Variants in CYFIP1 observed in about 807,000 individuals in gnomAD.
CYFIP1 encodes the protein cytoplasmic FMR1 interacting protein 1.
A neutral mutation model predicts 163.5 loss-of-function variants in CYFIP1; 58 were observed. The observed-to-expected ratio is 0.35, with a 90% CI of 0.29 to 0.44. CYFIP1 has a LOEUF of 0.44. Ranked by LOEUF, CYFIP1 falls within the 20% of genes least tolerant of loss-of-function variation. The pLI is 1.00. For missense variants in CYFIP1, 1,338 were observed against 1,653.8 expected (o/e 0.81, Z 3.31); for synonymous variants, 663 against 660.7 (o/e 1.00, Z -0.05).
intron 8 of CYFIP1, among the ~76,000 whole-genome samples, chr15:22,937,436 A>C (rs1336794916): frequency 6.6e-6 from 1 of 152,180 alleles, no homozygotes; most frequent in African/African-American, 2.4e-5. Context: ...TAAAAGCGGA[A>C]AAAACAAATC....
Position 22,903,727 on chromosome 15 carries a change from C to T in CYFIP1, c.2567G>A (p.Cys856Tyr). The T allele has an allele frequency of 6.2e-7, 1 of 1,613,834 alleles. No individual in the cohort carries two copies. Among genetic ancestry groups the T allele is most frequent in the Non-Finnish European group, 8.5e-7 (1 of 1,180,046 alleles). The change falls in exon 22 of 31, where the codon TGC becomes TAC. Residue 856 changes from cysteine to tyrosine, a missense_variant. Cys to Tyr is a radical substitution (Grantham distance 194). Coordinates refer to ENST00000617928, the MANE Select transcript of CYFIP1 (RefSeq NM_014608.6). The stretch of plus-strand genomic sequence containing the variant: ...TCACCGGTTGGTAGAGCCGTTGTAG[C>T]AGTAGTTGGGCAGGAAGTCATAGTT... ...ELNYDFLPNY[C>Y]YNGSTNRFVR...
chr15:22,942,197 G>A (rs1042958625), intron 6 of CYFIP1, among the ~76,000 whole-genome samples: 4 of 152,212 alleles, frequency 2.6e-5, no homozygotes, highest in Non-Finnish European at 5.9e-5. Flanking sequence ...TCCTACTGCT[G>A]CCTCATTTTG....
At chr15:22,894,223 C>A (rs1271707405) in intron 22 of CYFIP1, among the ~76,000 whole-genome samples, 2 of 151,290 alleles carry the variant, frequency 1.3e-5, no homozygotes, top group East Asian at 3.9e-4. Context: ...AGTAAAAATC[C>A]ATGCAGGGAG....
chr15:22,936,895 T>C (rs1239988583), intron 9 of CYFIP1, among the ~76,000 whole-genome samples: 3 of 152,076 alleles, frequency 2.0e-5, no homozygotes, highest in Non-Finnish European at 4.4e-5. Flanking sequence ...ATTCCATCTG[T>C]ATAAAGCTCC....
chr15:22,904,229 G>A (rs2060496552), intron 21 of CYFIP1: 12 of 421,140 alleles, frequency 2.8e-5, no homozygotes, highest in South Asian at 2.6e-4. Flanking sequence ...CCCCGGCCCT[G>A]CCCTGCAGTA....
At chr15:22,965,597 C>T (rs2062876832) in intron 1 of CYFIP1, among the ~76,000 whole-genome samples, 1 of 152,214 alleles carries the variant, frequency 6.6e-6, no homozygotes, top group Non-Finnish European at 1.5e-5. Context: ...ATGATGCCCA[C>T]ACAATGACAA....
At chr15:22,913,269 C>T (rs1424274752) in intron 17 of CYFIP1, among the ~76,000 whole-genome samples, 2 of 151,362 alleles carry the variant, frequency 1.3e-5, no homozygotes, top group Non-Finnish European at 2.9e-5. Flanking sequence ...TGACTCATGC[C>T]TGTAATCCCA....
At chr15:22,949,978 A>C (rs890067122) in intron 1 of CYFIP1, among the ~76,000 whole-genome samples, 7 of 152,132 alleles carry the variant, frequency 4.6e-5, no homozygotes, top group African/African-American at 1.7e-4. Flanking sequence ...AAAAAAGAAA[A>C]ATTAACATAC....
intron 26 of CYFIP1, 99 bp downstream of exon 26, chr15:22,879,814 C>T: frequency 3.5e-6 from 3 of 847,216 alleles, no homozygotes; most frequent in South Asian, 1.7e-5. Flanking sequence ...TGTTGCCACA[C>T]CCCCACTAAA....
At position 22,875,267 on chromosome 15, in the gene CYFIP1, A is replaced by G. The variant is rs771663759; in HGVS notation, c.3047T>C (p.Leu1016Ser). 5 of 1,613,996 alleles carry G rather than the reference A, an allele frequency of 3.1e-6. 1 individual carries two copies. In the South Asian group the frequency reaches 4.4e-5, roughly 14 times the overall value. Reference protein sequence around the residue: ...FCLLIEQSLSLEEVCDLLHAA... With the variant: ...FCLLIEQSLSSEEVCDLLHAA... ...GTGCAGCAGGTCACACACTTCTTCTAAAGACTAGAGCAGAGAAAGAGAGGG... is the reference window on the plus strand; with the variant it reads ...GTGCAGCAGGTCACACACTTCTTCTGAAGACTAGAGCAGAGAAAGAGAGGG... Residue 1016 changes from leucine (L) to serine (S), a missense_variant, in exon 27 of 31, where the codon TTA becomes TCA. By Grantham distance (145) the Leu-to-Ser change is moderately radical. This residue lies in a region of CYFIP1 where 306 missense variants were observed against 322.1 expected (regional missense o/e 0.95). Coordinates refer to ENST00000617928, the MANE Select transcript of CYFIP1 (RefSeq NM_014608.6).
At chr15:22,953,093 C>T (rs1013100613) in intron 1 of CYFIP1, among the ~76,000 whole-genome samples, 7 of 152,258 alleles carry the variant, frequency 4.6e-5, no homozygotes, top group Non-Finnish European at 8.8e-5. Flanking sequence ...GTCCGTGCAT[C>T]TTCCATAGAT....
At chr15:22,880,105 G>A in intron 25 of CYFIP1, 62 bp from the exon 26 acceptor site, 1 of 1,604,064 alleles carries the variant, frequency 6.2e-7, no homozygotes, top group Non-Finnish European at 8.5e-7. Flanking sequence ...TAGCAGCCTG[G>A]GTCCACAGCC....
chr15:22,870,112 C>A lies in CYFIP1; in HGVS notation c.3678G>T (p.Leu1226=). ...GCGTGCCCTCCCCGTCGCCTGACTT[C>A]AGGTACTTATCCAGGATGGTGATGA... ...DEIITILDKY[L]KSGDGEGTPV... The change falls in exon 31 of 31, where the codon CTG becomes CTT. Residue 1226 remains leucine (L), a synonymous_variant. Transcript: ENST00000617928. 6.2e-7 allele frequency: 1 copy of A among 1,613,262 alleles called. No homozygotes were observed. Among genetic ancestry groups the A allele is most frequent in the South Asian group, 1.1e-5 (1 of 90,828 alleles).
At position 22,875,258 on chromosome 15, in the gene CYFIP1, A is replaced by T. The variant is rs770405114; in HGVS notation, c.3056T>A (p.Val1019Glu). 6.2e-7 allele frequency: 1 copy of T among 1,614,128 alleles called. No individual in the cohort carries two copies. Among genetic ancestry groups the T allele is most frequent in the Non-Finnish European group, 8.5e-7 (1 of 1,179,960 alleles). Residue 1019 changes from valine (V) to glutamate (E), a missense_variant, in exon 27 of 31, where the codon GTG (valine) becomes GAG (glutamate). Physicochemically the swap from Val to Glu is moderately radical, Grantham distance 121. Transcript: ENST00000617928. ...LIEQSLSLEEVCDLLHAAPFQ... is the reference protein window; with the variant it reads ...LIEQSLSLEEECDLLHAAPFQ... The stretch of plus-strand genomic sequence containing the variant: ...AGGAGCCGCGTGCAGCAGGTCACAC[A>T]CTTCTTCTAAAGACTAGAGCAGAGA...
At chr15:22,876,157 C>A (rs1448608729) in intron 26 of CYFIP1, among the ~76,000 whole-genome samples, 1 of 151,918 alleles carries the variant, frequency 6.6e-6, no homozygotes, top group Non-Finnish European at 1.5e-5. Context: ...AATGATTAAA[C>A]AAAGAAACAG....
At chr15:22,909,766 T>C (rs1174044257) in intron 20 of CYFIP1, among the ~76,000 whole-genome samples, 6 of 152,204 alleles carry the variant, frequency 3.9e-5, no homozygotes, top group African/African-American at 1.4e-4. Flanking sequence ...GCAGTAAGTG[T>C]ACATATTTAT....
Position 22,918,676 on chromosome 15 carries a change from C to T in CYFIP1, c.1526+16G>A, listed in dbSNP as rs571616947. 6.4e-6 allele frequency: 10 copies of T among 1,571,884 alleles called. No individual in the cohort carries two copies. The highest frequency in any genetic ancestry group is 2.4e-5 in the South Asian group (2 of 84,848). On this transcript the variant is annotated intron_variant, in intron 14 of 30. Transcript: ENST00000617928. ...ACGTGTGGGCACAGCGGGCACAGGG[C>T]GTGGGGAAGGCTGACCTCTGGATGA...
rs375425857 is a variant in CYFIP1, at chr15:22,914,916, CGCAA to C, written c.1829-38_1829-35del. 6.0e-5 allele frequency: 94 copies of C among 1,571,002 alleles called. 1 individual carries two copies. In the African/African-American group the frequency reaches 1.2e-3, roughly 20 times the overall value. On this transcript the variant is annotated intron_variant, in intron 16 of 30. Transcript: ENST00000617928. ...GTTCAAACAACTCCATGTTATCTCCCGCAAGCAAAAAAAAACCTTTAGCAGAGAT... is the reference window on the plus strand; with the variant it reads ...GTTCAAACAACTCCATGTTATCTCCCGCAAAAAAAAACCTTTAGCAGAGAT...
intron 1 of CYFIP1, among the ~76,000 whole-genome samples, chr15:22,949,300 C>A (rs1318995463): frequency 1.2e-5 from 1 of 82,184 alleles, no homozygotes; most frequent in Non-Finnish European, 2.6e-5. Context: ...GGCCGGAAGG[C>A]GGGCACAATG....
Sources: allele counts gnomAD v4.1 joint callset (sites outside exome capture counted in the v4.1 genomes callset), GRCh38; gene constraint gnomAD v4.1.1; regional missense constraint gnomAD v4.1.1; transcripts MANE v1.5; gene names NCBI Gene and HGNC (gene_info 2026-07-23, HGNC 2026-07-21).